The following EFCAB6 variants were observed in gnomAD, a reference collection of about 807,000 sequenced individuals.
The protein encoded by EFCAB6 is EF-hand calcium binding domain 6, also known as EF-hand calcium-binding domain-containing protein 6.
In EFCAB6, 156 loss-of-function variants were observed where a neutral mutation model predicts 169.8. The ratio of observed to expected loss-of-function variants is 0.92; its 90% CI spans 0.81 to 1.05. EFCAB6 has a LOEUF of 1.05. Among genes scored for constraint, EFCAB6 ranks in the 50% least tolerant of loss-of-function variants. The probability of loss-of-function intolerance (pLI) is 0.00; values close to 1 mark genes in which losing one functional copy is unlikely to be tolerated. For synonymous variants in EFCAB6, 698 were observed against 676.4 expected, an observed-to-expected ratio of 1.03 and a Z score of -0.50; for missense variants, 1,800 against 1,829.1, an observed-to-expected ratio of 0.98 and a Z score of 0.29.
chr22:43,587,587 T>A (rs1278573324), intron 24 of EFCAB6, among the ~76,000 whole-genome samples: 1 of 152,120 alleles, frequency 6.6e-6, no homozygotes, highest in African/African-American at 2.4e-5. Flanking sequence ...GCCTTCTCTT[T>A]GTCTGTGTCA....
intron 4 of EFCAB6, among the ~76,000 whole-genome samples, chr22:43,765,783 G>A (rs1005500301): frequency 1.3e-5 from 2 of 151,990 alleles, no homozygotes; most frequent in African/African-American, 2.4e-5. Flanking sequence ...CTTTGTACAC[G>A]AGTTTGTACA....
At chr22:43,613,710 C>G (rs183113323) in intron 21 of EFCAB6, among the ~76,000 whole-genome samples, 1 of 152,102 alleles carries the variant, frequency 6.6e-6, no homozygotes, top group Admixed American at 6.5e-5. Flanking sequence ...CAAACCGCCA[C>G]GGCATGAATT....
rs534849660 is a variant in EFCAB6, at chr22:43,757,090, C to G, written c.441-1258G>C. ...TGGAGTGCTTAGCAGAGATTGAATT[C>G]CTTACATAGGAGGAAACTGAGTCTC... On this transcript the variant is annotated intron_variant, in intron 5 of 31. Transcript: ENST00000262726. Among the ~76,000 whole-genome samples the G allele has an allele frequency of 3.4e-4, 51 of 152,224 alleles. 1 individual carries two copies. The South Asian group carries it at 1.0e-2, about 30-fold the overall frequency.
At chr22:43,784,638 TGTAC>T in intron 2 of EFCAB6, among the ~76,000 whole-genome samples, 1 of 70,906 alleles carries the variant, frequency 1.4e-5, no homozygotes, top group African/African-American at 5.2e-5. Flanking sequence ...TATATGTATA[TGTAC>T]ACATATATAT....
At chr22:43,752,272 C>G (rs1264034238) in intron 6 of EFCAB6, among the ~76,000 whole-genome samples, 3 of 152,114 alleles carry the variant, frequency 2.0e-5, no homozygotes, top group Non-Finnish European at 4.4e-5. Context: ...TGTGCGCCAC[C>G]ATGCCCAGTT....
chr22:43,801,669 T>A (rs1159745221), intron 2 of EFCAB6, among the ~76,000 whole-genome samples: 1 of 151,976 alleles, frequency 6.6e-6, no homozygotes, highest in Non-Finnish European at 1.5e-5. Flanking sequence ...GTCATCTTTT[T>A]AAAATAATTT....
At chr22:43,547,108 T>C (rs1200319869) in intron 27 of EFCAB6, among the ~76,000 whole-genome samples, 1 of 152,140 alleles carries the variant, frequency 6.6e-6, no homozygotes, top group African/African-American at 2.4e-5. Flanking sequence ...TAATGATTAA[T>C]TTGTGGAGAA....
intron 12 of EFCAB6, among the ~76,000 whole-genome samples, chr22:43,682,158 A>C (rs2058031268): frequency 6.6e-6 from 1 of 150,450 alleles, no homozygotes; most frequent in African/African-American, 2.4e-5. Context: ...GGGGGATGGG[A>C]GGGGAGGGGA....
At chr22:43,688,595 T>C (rs962403972) in intron 10 of EFCAB6, among the ~76,000 whole-genome samples, 1 of 152,186 alleles carries the variant, frequency 6.6e-6, no homozygotes, top group Non-Finnish European at 1.5e-5. Flanking sequence ...GACTCGCTGC[T>C]CACTATGCTG....
intron 27 of EFCAB6, chr22:43,540,657 C>T (rs1367436708): frequency 1.0e-6 from 1 of 968,088 alleles, no homozygotes; most frequent in East Asian, 4.6e-5. Flanking sequence ...AGTCACAGTG[C>T]CTGAGCTGCA....
At chr22:43,676,557 CATT>C (rs953158806) in intron 13 of EFCAB6, among the ~76,000 whole-genome samples, 3 of 151,834 alleles carry the variant, frequency 2.0e-5, no homozygotes, top group Admixed American at 6.6e-5. Flanking sequence ...GGATTTTTAT[CATT>C]ATTTTCACCT....
rs149277740 is a variant in EFCAB6 at position 43,698,359 on chromosome 22, C to T, written c.1032-10778G>A. ...ATTTGTGGGGATTTGTGTACATACA[C>T]ATCCCAGATTCAAATCGGGCTTCCT... On this transcript the variant is annotated intron_variant, in intron 10 of 31. Transcript: ENST00000262726. Among the ~76,000 whole-genome samples, 388 of 152,298 alleles carry T rather than the reference C, an allele frequency of 2.5e-3. 1 individual carries two copies. Among genetic ancestry groups the T allele is most frequent in the Middle Eastern group, 0.014 (4 of 292 alleles).
At chr22:43,784,631 A>ATGTGTATATATACACATATATG (rs370664362) in intron 2 of EFCAB6, among the ~76,000 whole-genome samples, 1 of 42,376 alleles carries the variant, frequency 2.4e-5, no homozygotes, top group African/African-American at 8.4e-5. Flanking sequence ...ACACATATAT[A>ATGTGTATATATACACATATATG]TGTATATGTA....
intron 2 of EFCAB6, among the ~76,000 whole-genome samples, chr22:43,796,982 T>C (rs1444825836): frequency 6.6e-6 from 1 of 152,198 alleles, no homozygotes; most frequent in African/African-American, 2.4e-5. Flanking sequence ...ATTAAGGTCA[T>C]CCACTGTTAA....
intron 5 of EFCAB6, among the ~76,000 whole-genome samples, chr22:43,756,535 G>A (rs1201890566): frequency 6.6e-6 from 1 of 152,164 alleles, no homozygotes; most frequent in Non-Finnish European, 1.5e-5. Context: ...GAGGGTGGGA[G>A]GAGAACACGA....
At chr22:43,728,767 C>T (rs958745978) in intron 8 of EFCAB6, among the ~76,000 whole-genome samples, 1 of 152,114 alleles carries the variant, frequency 6.6e-6, no homozygotes, top group Non-Finnish European at 1.5e-5. Flanking sequence ...TTGTTTTCTT[C>T]TTGTAAATTT....
At chr22:43,730,266 GC>G in intron 8 of EFCAB6, among the ~76,000 whole-genome samples, 1 of 64,446 alleles carries the variant, frequency 1.6e-5, no homozygotes, top group Admixed American at 1.6e-4. Context: ...AGGAAAGGGA[GC>G]GAGGGAGGGA....
chr22:43,811,820 C>CA (rs1214547221), intron 1 of EFCAB6, among the ~76,000 whole-genome samples: 1 of 152,192 alleles, frequency 6.6e-6, no homozygotes, highest in Non-Finnish European at 1.5e-5. Context: ...ATGTTGTAAA[C>CA]TGGAGAGATT....
Position 43,731,700 on chromosome 22 carries a change from T to G in EFCAB6, c.756A>C (p.Gln252His). The part of the protein sequence containing the change: ...DLNLRYCMGN[Q>H]EVSLENQQAK... ...GCTATATACTTTAAAAATACTTACC[T>G]TGATTTCCCATACAATATCTAAGGT... Residue 252 changes from glutamine (Q) to histidine (H), a missense_variant and splice_region_variant, in exon 8 of 32, where the codon CAA becomes CAC. By Grantham distance (24) the Gln-to-His change is conservative (BLOSUM62 0). Coordinates refer to ENST00000262726, the MANE Select transcript of EFCAB6 (RefSeq NM_022785.4). 6.4e-7 allele frequency: 1 copy of G among 1,569,144 alleles called. No homozygotes were observed. Among genetic ancestry groups the G allele is most frequent in the Non-Finnish European group, 8.6e-7 (1 of 1,159,414 alleles).
Sources: allele counts gnomAD v4.1 joint callset (sites outside exome capture counted in the v4.1 genomes callset), GRCh38; gene constraint gnomAD v4.1.1; transcripts MANE v1.5; gene names NCBI Gene and HGNC (gene_info 2026-07-23, HGNC 2026-07-21).